Variants in TBC1D5 observed in about 807,000 individuals in gnomAD.
The protein encoded by TBC1D5 is TBC1 domain family, member 5.
In TBC1D5, 75 loss-of-function variants were observed where a neutral mutation model predicts 100.3. The ratio of observed to expected loss-of-function variants is 0.75; its 90% CI spans 0.62 to 0.91. TBC1D5 has a LOEUF of 0.91. TBC1D5 is among the 40% of genes least tolerant of loss of function. The probability of loss-of-function intolerance (pLI) is 0.00; values close to 1 mark genes in which losing one functional copy is unlikely to be tolerated. For missense variants in TBC1D5, 910 were observed against 942.4 expected (o/e 0.97, Z 0.45); for synonymous variants, 323 against 325.6 (o/e 0.99, Z 0.09).
intron 2 of TBC1D5, among the ~76,000 whole-genome samples, chr3:17,532,656 A>G (rs2096242250): frequency 6.6e-6 from 1 of 152,244 alleles, no homozygotes; most frequent in East Asian, 1.9e-4. Context: ...CTATGCAGCC[A>G]TAAAAAAGGA....
chr3:17,193,752 T>C (rs1023838693), intron 18 of TBC1D5, among the ~76,000 whole-genome samples: 1 of 152,190 alleles, frequency 6.6e-6, no homozygotes, highest in Non-Finnish European at 1.5e-5. Context: ...GTTTTCTAAT[T>C]TGTAAAATAG....
intron 2 of TBC1D5, among the ~76,000 whole-genome samples, chr3:17,584,144 A>G (rs2096718034): frequency 6.6e-6 from 1 of 152,242 alleles, no homozygotes; most frequent in Non-Finnish European, 1.5e-5. Flanking sequence ...CATTAAATCC[A>G]TAGAGACAGA....
intron 2 of TBC1D5, among the ~76,000 whole-genome samples, chr3:17,580,434 T>C (rs2096686453): frequency 6.6e-6 from 1 of 152,188 alleles, no homozygotes. Context: ...TAATATATCC[T>C]GGAGATAGTA....
chr3:17,461,245 T>C (rs1166202752), intron 3 of TBC1D5, among the ~76,000 whole-genome samples: 4 of 152,216 alleles, frequency 2.6e-5, no homozygotes, highest in African/African-American at 9.7e-5. Context: ...TAATTGTTCA[T>C]GTTTTCTTTA....
intron 1 of TBC1D5, among the ~76,000 whole-genome samples, chr3:17,674,075 G>C (rs7620585): frequency 0.055 from 8,315 of 151,400 alleles, 698 homozygotes; most frequent in African/African-American, 0.19. Flanking sequence ...CATTTTCTTT[G>C]TTATGTGAGG....
intron 2 of TBC1D5, among the ~76,000 whole-genome samples, chr3:17,567,435 A>G (rs1417436286): frequency 6.6e-6 from 1 of 151,830 alleles, no homozygotes; most frequent in Non-Finnish European, 1.5e-5. Flanking sequence ...TAATAGGTAA[A>G]CAACAATCTA....
intron 16 of TBC1D5, among the ~76,000 whole-genome samples, chr3:17,244,972 G>C (rs1329262568): frequency 7.3e-6 from 1 of 137,656 alleles, no homozygotes; most frequent in Non-Finnish European, 1.5e-5. Context: ...AACTGTTTAA[G>C]CCCAGGAGTT....
intron 9 of TBC1D5, among the ~76,000 whole-genome samples, chr3:17,380,188 A>T (rs2092890792): frequency 6.6e-6 from 1 of 152,026 alleles, no homozygotes; most frequent in Non-Finnish European, 1.5e-5. Flanking sequence ...ATATCCACAT[A>T]GTGAAAAAAG....
chr3:17,706,033 C>G (rs1378296360), intron 1 of TBC1D5: 2 of 1,559,166 alleles, frequency 1.3e-6, no homozygotes, highest in Non-Finnish European at 8.7e-7. Context: ...TGGACTTACA[C>G]CATGTTCTTT....
intron 3 of TBC1D5, among the ~76,000 whole-genome samples, chr3:17,485,302 TA>T (rs1217572675): frequency 4.7e-5 from 7 of 149,716 alleles, no homozygotes; most frequent in African/African-American, 1.0e-4. Context: ...TATTTTATTT[TA>T]TTTTTTTTAC....
chr3:17,620,275 G>A lies in TBC1D5; in HGVS notation c.-36+3574C>T, dbSNP rs114080053. On this transcript the variant is annotated intron_variant, in intron 2 of 21. Transcript: ENST00000253692. ...GATTACAGGGGCAAGCCACTACACC[G>A]GGCTTAGTATTTGCCCCTTCAACCA... is the stretch of plus-strand genomic sequence containing the variant. Among the ~76,000 whole-genome samples the A allele has an allele frequency of 3.6e-3, 548 of 152,288 alleles. 4 individuals are homozygous for A. Among genetic ancestry groups the A allele is most frequent in the African/African-American group, 0.013 (529 of 41,552 alleles).
At chr3:17,366,115 C>T (rs1310368983) in intron 13 of TBC1D5, among the ~76,000 whole-genome samples, 1 of 151,888 alleles carries the variant, frequency 6.6e-6, no homozygotes, top group African/African-American at 2.4e-5. Context: ...CATAGTGAAA[C>T]CTTGTCTTTA....
exon 22 of TBC1D5, chr3:17,160,893 G>A (rs2065961199): frequency 2.6e-6 from 4 of 1,529,762 alleles, no homozygotes; most frequent in African/African-American, 1.4e-5. Flanking sequence ...TCCACTGGAT[G>A]AGCCTCAGTC....
rs9829100 is a variant in TBC1D5, at chr3:17,528,745, T to C, written c.-35-20140A>G. Among the ~76,000 whole-genome samples the C allele has an allele frequency of 9.5e-4, 145 of 152,292 alleles. 1 individual carries two copies. The highest frequency in any genetic ancestry group is 3.3e-3 in the African/African-American group (136 of 41,550). On this transcript the variant is annotated intron_variant, in intron 2 of 21. Coordinates refer to ENST00000253692, the Ensembl canonical transcript of TBC1D5. ...CAAAGCCAGAAAAAGAATTAAGCAC[T>C]ACAATATTTTGTGGAAAAGCCAGGT...
intron 2 of TBC1D5, among the ~76,000 whole-genome samples, chr3:17,593,658 T>C (rs1322076771): frequency 6.6e-6 from 1 of 152,202 alleles, no homozygotes; most frequent in Non-Finnish European, 1.5e-5. Context: ...GTCATGGTAT[T>C]CCACACAGCA....
At chr3:17,318,906 C>A (rs1334069589) in intron 13 of TBC1D5, among the ~76,000 whole-genome samples, 1 of 152,064 alleles carries the variant, frequency 6.6e-6, no homozygotes, top group Admixed American at 6.5e-5. Flanking sequence ...ATGAGTACCC[C>A]AGTTAAAATA....
At chr3:17,218,939 G>A (rs1259982155) in intron 17 of TBC1D5, among the ~76,000 whole-genome samples, 3 of 151,754 alleles carry the variant, frequency 2.0e-5, no homozygotes, top group Admixed American at 1.3e-4. Flanking sequence ...ATGTACTAAT[G>A]CTTTTCATAA....
intron 7 of TBC1D5, among the ~76,000 whole-genome samples, chr3:17,404,051 T>A (rs1484559265): frequency 1.3e-5 from 2 of 152,146 alleles, no homozygotes; most frequent in Non-Finnish European, 2.9e-5. Context: ...GGAAAGTTTT[T>A]AAAAATTACT....
At chr3:17,621,193 G>A (rs568761070) in intron 2 of TBC1D5, among the ~76,000 whole-genome samples, 1 of 152,280 alleles carries the variant, frequency 6.6e-6, no homozygotes, top group Admixed American at 6.5e-5. Context: ...AAAAAAAAAT[G>A]CAGATGTATG....
Sources: allele counts gnomAD v4.1 joint callset (sites outside exome capture counted in the v4.1 genomes callset), GRCh38; gene constraint gnomAD v4.1.1; transcripts MANE v1.5; gene names NCBI Gene and HGNC (gene_info 2026-07-23, HGNC 2026-07-21).